PLXNA4: variants seen among roughly 807,000 people sequenced by gnomAD.
PLXNA4 encodes the protein plexin-A4.
In PLXNA4, 44 loss-of-function variants were observed where a neutral mutation model predicts 191.8. That is an observed-to-expected ratio of 0.23 (90% confidence interval 0.18 to 0.29). The LOEUF (loss-of-function observed/expected upper bound fraction) is 0.29. PLXNA4 is among the 10% of genes least tolerant of loss of function. PLXNA4 has a pLI of 1.00. For missense variants in PLXNA4, 1,800 were observed against 2,488.8 expected, an observed-to-expected ratio of 0.72 and a Z score of 5.89; for synonymous variants, 1,082 against 1,009.5, an observed-to-expected ratio of 1.07 and a Z score of -1.36.
intron 1 of PLXNA4, among the ~76,000 whole-genome samples, chr7:132,527,707 C>A (rs549145490): frequency 6.6e-6 from 1 of 152,142 alleles, no homozygotes; most frequent in Non-Finnish European, 1.5e-5. Flanking sequence ...AATTGACACC[C>A]GACTGCATTA....
chr7:132,417,201 G>T (rs903584245), intron 3 of PLXNA4, among the ~76,000 whole-genome samples: 1 of 152,096 alleles, frequency 6.6e-6, no homozygotes, highest in East Asian at 1.9e-4. Context: ...CACTTACCAC[G>T]GACCAGGGCT....
At chr7:132,410,638 T>C (rs1242662787) in intron 3 of PLXNA4, among the ~76,000 whole-genome samples, 2 of 152,160 alleles carry the variant, frequency 1.3e-5, no homozygotes, top group Non-Finnish European at 2.9e-5. Flanking sequence ...CTTTTGATAA[T>C]AAAGGTTTCG....
chr7:132,285,482 C>T (rs930474928), intron 4 of PLXNA4, among the ~76,000 whole-genome samples: 5 of 152,162 alleles, frequency 3.3e-5, no homozygotes, highest in South Asian at 2.1e-4. Flanking sequence ...TCAAAACCAT[C>T]GCATACGTCT....
intron 3 of PLXNA4, among the ~76,000 whole-genome samples, chr7:132,379,079 G>C (rs1804782343): frequency 6.6e-6 from 1 of 152,130 alleles, no homozygotes; most frequent in African/African-American, 2.4e-5. Flanking sequence ...TCGAACTCCT[G>C]ACTTCAGATG....
chr7:132,330,001 C>T (rs1338666059), intron 3 of PLXNA4, among the ~76,000 whole-genome samples: 2 of 152,190 alleles, frequency 1.3e-5, no homozygotes, highest in Non-Finnish European at 2.9e-5. Context: ...AGCGTGCTCT[C>T]CGTTGTGTGT....
chr7:132,259,460 A>AAAAAAAAAAAAAAAAAAAAAAAAAAT (rs1799551041), intron 4 of PLXNA4, among the ~76,000 whole-genome samples: 1 of 138,718 alleles, frequency 7.2e-6, no homozygotes, highest in Non-Finnish European at 1.6e-5. Context: ...AAAAAAAAAA[A>AAAAAAAAAAAAAAAAAAAAAAAAAAT]AAAAAAAAAA....
intron 3 of PLXNA4, among the ~76,000 whole-genome samples, chr7:132,437,717 G>A (rs1161532640): frequency 1.3e-5 from 2 of 152,018 alleles, no homozygotes; most frequent in Non-Finnish European, 2.9e-5. Flanking sequence ...GTTGGCCCCA[G>A]ACCACTAAAT....
Position 132,123,746 on chromosome 7 carries a change from G to A in PLXNA4, c.*6733C>T, listed in dbSNP as rs1794697722. 1 of 152,142 alleles carries A rather than the reference G, an allele frequency of 6.6e-6. No individual in the cohort carries two copies. Among genetic ancestry groups the A allele is most frequent in the Non-Finnish European group, 1.5e-5 (1 of 68,032 alleles). The allele number at this position is 152,142 out of a possible 1,614,324, so 9.4% of individuals were successfully genotyped here. On this transcript the variant is annotated 3_prime_UTR_variant, in exon 32 of 32. Coordinates refer to ENST00000321063, the MANE Select transcript of PLXNA4 (RefSeq NM_020911.2). The stretch of plus-strand genomic sequence containing the variant: ...AAGTGGGATGGGGCTGGAAGGGGGT[G>A]ACTGGAACAGAGATAACCTGCCCTA...
At chr7:132,380,726 G>A (rs1804860100) in intron 3 of PLXNA4, among the ~76,000 whole-genome samples, 2 of 152,190 alleles carry the variant, frequency 1.3e-5, no homozygotes, top group African/African-American at 2.4e-5. Context: ...ATGCTTTAGA[G>A]CAGTAGTTTC....
At chr7:132,610,876 G>A (rs891631205) in intron 2 of PLXNA4, among the ~76,000 whole-genome samples, 1 of 152,218 alleles carries the variant, frequency 6.6e-6, no homozygotes, top group African/African-American at 2.4e-5. Flanking sequence ...AGGAGCAGAG[G>A]TTTGCCACTT....
chr7:132,512,891 C>A lies in PLXNA4; in HGVS notation c.-86-4112G>T, dbSNP rs555888540. On this transcript the variant is annotated intron_variant, in intron 1 of 31. Coordinates refer to ENST00000321063, the MANE Select transcript of PLXNA4 (RefSeq NM_020911.2). ...AGTCACCATTTAGCTAGTTTCAAAA[C>A]CAAGTATTAGAAATTACATTCAGCC... is the stretch of plus-strand genomic sequence containing the variant. Among the ~76,000 whole-genome samples, 21 of 152,266 alleles carry A rather than the reference C, an allele frequency of 1.4e-4. No homozygotes were observed. The South Asian group carries it at 4.1e-3, about 30-fold the overall frequency.
intron 3 of PLXNA4, among the ~76,000 whole-genome samples, chr7:132,478,458 G>A (rs570423953): frequency 6.6e-6 from 1 of 152,344 alleles, no homozygotes; most frequent in African/African-American, 2.4e-5. Context: ...TTTATGCTCT[G>A]TGGGGGAAGG....
intron 1 of PLXNA4, among the ~76,000 whole-genome samples, chr7:132,543,176 A>C (rs1214414234): frequency 6.6e-6 from 1 of 152,222 alleles, no homozygotes; most frequent in East Asian, 1.9e-4. Flanking sequence ...AACATAGTGT[A>C]ACATTAATCC....
intron 29 of PLXNA4, among the ~76,000 whole-genome samples, chr7:132,144,075 G>A (rs554696841): frequency 3.9e-5 from 6 of 152,288 alleles, no homozygotes; most frequent in South Asian, 4.1e-4. Context: ...AGGGTGCTTC[G>A]CTGAGCCCTA....
intron 3 of PLXNA4, among the ~76,000 whole-genome samples, chr7:132,328,868 T>G (rs1290953914): frequency 2.0e-5 from 3 of 152,180 alleles, no homozygotes; most frequent in Non-Finnish European, 2.9e-5. Flanking sequence ...GAGAGACCAT[T>G]GCATATGAGG....
At chr7:132,633,624 G>C (rs1304501484) in intron 2 of PLXNA4, among the ~76,000 whole-genome samples, 1 of 152,120 alleles carries the variant, frequency 6.6e-6, no homozygotes, top group Non-Finnish European at 1.5e-5. Context: ...TCAGTCTACT[G>C]TGTCATCAAG....
intron 16 of PLXNA4, among the ~76,000 whole-genome samples, chr7:132,183,974 G>A (rs1050661143): frequency 6.6e-5 from 10 of 152,194 alleles, no homozygotes; most frequent in African/African-American, 2.2e-4. Context: ...ATACATGTAC[G>A]AGTGAGCATG....
At chr7:132,469,309 C>T (rs1011046104) in intron 3 of PLXNA4, among the ~76,000 whole-genome samples, 5 of 152,106 alleles carry the variant, frequency 3.3e-5, no homozygotes, top group African/African-American at 1.2e-4. Flanking sequence ...CCTCACCTTG[C>T]AGGGTTGCTG....
chr7:132,193,825 G>A (rs1195702292), intron 14 of PLXNA4, among the ~76,000 whole-genome samples: 2 of 152,176 alleles, frequency 1.3e-5, no homozygotes, highest in Non-Finnish European at 2.9e-5. Flanking sequence ...GAGAGCTAAA[G>A]CAACTTACCT....
Sources: gnomAD v4.1 joint callset for allele counts (sites outside exome capture counted in the v4.1 genomes callset) on GRCh38, gnomAD v4.1.1 for gene constraint, MANE v1.5 for transcripts, NCBI Gene and HGNC (gene_info 2026-07-23, HGNC 2026-07-21) for gene names.